MEGF10: variants seen among roughly 807,000 people sequenced by gnomAD.
MEGF10 encodes the protein multiple epidermal growth factor-like domains protein 10.
MEGF10 carries 86 observed loss-of-function variants against 147.5 expected under a neutral mutation model. The observed-to-expected ratio is 0.58, with a 90% confidence interval of 0.49 to 0.70. MEGF10 has a LOEUF of 0.70. MEGF10 is among the 30% of genes least tolerant of loss of function. The pLI, the probability that MEGF10 is intolerant of heterozygous loss-of-function variation, is 0.00. For missense variants in MEGF10, 1,329 were observed against 1,487.3 expected, an observed-to-expected ratio of 0.89 and a Z score of 1.75; for synonymous variants, 478 against 525.5, an observed-to-expected ratio of 0.91 and a Z score of 1.24.
intron 8 of MEGF10, among the ~76,000 whole-genome samples, chr5:127,404,165 A>G (rs576421605): frequency 6.6e-6 from 1 of 151,840 alleles, no homozygotes; most frequent in East Asian, 1.9e-4. Context: ...ATCTCATTGC[A>G]TATATAAATG....
intron 9 of MEGF10, among the ~76,000 whole-genome samples, chr5:127,417,308 GT>G (rs1240296283): frequency 1.3e-5 from 2 of 152,270 alleles, no homozygotes; most frequent in Middle Eastern, 3.4e-3. Flanking sequence ...ATTGGATGGA[GT>G]TTTTTTAGCT....
At chr5:127,348,857 C>A (rs1340905660) in intron 4 of MEGF10, among the ~76,000 whole-genome samples, 6 of 152,054 alleles carry the variant, frequency 3.9e-5, no homozygotes, top group African/African-American at 1.4e-4. Flanking sequence ...GGCTGACAAA[C>A]CTTCCCATAT....
chr5:127,379,906 C>A (rs113711870), intron 5 of MEGF10, among the ~76,000 whole-genome samples: 1 of 152,078 alleles, frequency 6.6e-6, no homozygotes, highest in African/African-American at 2.4e-5. Context: ...CCTGGCCACA[C>A]GGCTGGCTTC....
chr5:127,242,464 T>C, the MEGF10 span, among the ~76,000 whole-genome samples: 2 of 152,216 alleles, frequency 1.3e-5, no homozygotes, highest in African/African-American at 4.8e-5. Context: ...TAAGTATAAA[T>C]TGTAATGTAG....
At position 127,457,516 on chromosome 5, in the gene MEGF10, A is replaced by G; in HGVS notation, c.*198A>G. ...GTTCAGGTGGATTCGAAGGAGTTAGAGATGTGATTTCCCATTGCTGTTAGT... is the reference window on the plus strand; with the variant it reads ...GTTCAGGTGGATTCGAAGGAGTTAGGGATGTGATTTCCCATTGCTGTTAGT... On this transcript the variant is annotated 3_prime_UTR_variant, in exon 25 of 25. Transcript: ENST00000503335. The G allele has an allele frequency of 1.7e-6, 1 of 584,094 alleles. No homozygotes were observed. Among genetic ancestry groups the G allele is most frequent in the Non-Finnish European group, 3.0e-6 (1 of 336,352 alleles). The allele number at this position is 584,094 out of a possible 1,614,324, so 36.2% of individuals were successfully genotyped here. A position where few individuals can be genotyped will look rare whatever the true frequency, so the allele number is the denominator to read the frequency against.
the MEGF10 span, among the ~76,000 whole-genome samples, chr5:127,273,442 C>T: frequency 4.1e-3 from 628 of 152,340 alleles, 3 homozygotes; most frequent in African/African-American, 0.015. Context: ...TGTATTCACT[C>T]CCTGCTTTCA....
Position 127,409,902 on chromosome 5 carries a change from C to T in MEGF10, c.918-487C>T, listed in dbSNP as rs139479612. The T allele has an allele frequency of 3.1e-3, 522 of 166,692 alleles. 3 individuals carry two copies. Among genetic ancestry groups the T allele is most frequent in the Non-Finnish European group, 5.4e-3 (407 of 75,236 alleles). The allele number at this position is 166,692 out of a possible 1,614,324, so 10.3% of individuals were successfully genotyped here. A position where few individuals can be genotyped will look rare whatever the true frequency, so the allele number is the denominator to read the frequency against. ...ATTCAGCTTTAAGTAAGAGTAAAAA[C>T]GTGGCTAAGATTAAAAATTAATGTC... On this transcript the variant is annotated intron_variant, in intron 8 of 24. Transcript: ENST00000503335.
intron 4 of MEGF10, among the ~76,000 whole-genome samples, chr5:127,368,499 G>A (rs1229736160): frequency 6.6e-6 from 1 of 152,080 alleles, no homozygotes; most frequent in African/African-American, 2.4e-5. Flanking sequence ...TGTTCCTAGC[G>A]AATTCTCACA....
At chr5:127,269,932 AT>A in the MEGF10 span, among the ~76,000 whole-genome samples, 1 of 152,346 alleles carries the variant, frequency 6.6e-6, no homozygotes, top group Admixed American at 6.5e-5. Flanking sequence ...AATAGTCAAC[AT>A]TCTTAAAGAA....
At chr5:127,414,874 A>T (rs1164874170) in intron 9 of MEGF10, among the ~76,000 whole-genome samples, 1 of 152,210 alleles carries the variant, frequency 6.6e-6, no homozygotes, top group Non-Finnish European at 1.5e-5. Context: ...GTGAAAAGTG[A>T]GATGGGAAGA....
the MEGF10 span, among the ~76,000 whole-genome samples, chr5:127,248,270 G>T: frequency 6.6e-6 from 1 of 152,018 alleles, no homozygotes; most frequent in Non-Finnish European, 1.5e-5. Flanking sequence ...ACTTTTAAAA[G>T]GGAGGCAATA....
the MEGF10 span, among the ~76,000 whole-genome samples, chr5:127,235,563 C>T: frequency 6.6e-5 from 10 of 152,204 alleles, no homozygotes; most frequent in Non-Finnish European, 1.3e-4. Flanking sequence ...AACTGCATGT[C>T]ATCCAGAATC....
chr5:127,389,664 G>T (rs1763570058), intron 5 of MEGF10, among the ~76,000 whole-genome samples: 1 of 152,136 alleles, frequency 6.6e-6, no homozygotes, highest in South Asian at 2.1e-4. Context: ...GCATACTAAT[G>T]CAGGAACAGA....
At chr5:127,276,264 C>A in the MEGF10 span, among the ~76,000 whole-genome samples, 1 of 152,192 alleles carries the variant, frequency 6.6e-6, no homozygotes, top group Non-Finnish European at 1.5e-5. Flanking sequence ...TGTGTAAACA[C>A]ATCATGACCA....
At chr5:127,356,795 A>T (rs540006877) in intron 4 of MEGF10, among the ~76,000 whole-genome samples, 3 of 152,292 alleles carry the variant, frequency 2.0e-5, no homozygotes, top group African/African-American at 7.2e-5. Context: ...CTGTTGCATT[A>T]TCCAGTTAGT....
intron 16 of MEGF10, among the ~76,000 whole-genome samples, chr5:127,436,070 A>G (rs556037356): frequency 1.1e-4 from 17 of 152,192 alleles, no homozygotes; most frequent in Non-Finnish European, 2.1e-4. Flanking sequence ...AATGTTTTGA[A>G]AGGGTCAGTG....
intron 21 of MEGF10, among the ~76,000 whole-genome samples, chr5:127,448,599 G>C (rs1450792598): frequency 6.6e-6 from 1 of 152,068 alleles, no homozygotes; most frequent in Non-Finnish European, 1.5e-5. Context: ...TAATTATAGT[G>C]CTTCATGGTT....
chr5:127,264,024 A>G, the MEGF10 span, among the ~76,000 whole-genome samples: 3 of 152,108 alleles, frequency 2.0e-5, no homozygotes, highest in Admixed American at 2.0e-4. Flanking sequence ...AATATTCCTC[A>G]CCAAACTGAT....
At chr5:127,285,336 A>C in the MEGF10 span, among the ~76,000 whole-genome samples, 1 of 152,148 alleles carries the variant, frequency 6.6e-6, no homozygotes, top group Admixed American at 6.5e-5. Flanking sequence ...GACCTAAATG[A>C]ATAGTCTTAT....
Sources: gnomAD v4.1 joint callset for allele counts (sites outside exome capture counted in the v4.1 genomes callset) on GRCh38, gnomAD v4.1.1 for gene constraint, MANE v1.5 for transcripts, NCBI Gene and HGNC (gene_info 2026-07-23, HGNC 2026-07-21) for gene names.